The following MAPKAPK2 variants were observed in gnomAD, a reference collection of about 807,000 sequenced individuals.
MAPKAPK2 encodes MAPK activated protein kinase 2.
Under a neutral mutation model 48.8 loss-of-function variants are expected in MAPKAPK2, and 9 were observed. That is an observed-to-expected ratio of 0.18 (90% CI 0.11 to 0.32). The LOEUF is 0.32. Among genes scored for constraint, MAPKAPK2 ranks in the 10% least tolerant of loss-of-function variants. The pLI is 1.00. For synonymous variants in MAPKAPK2, 202 were observed against 190.6 expected (o/e 1.06, Z -0.49); for missense variants, 331 against 498.3 (o/e 0.66, Z 3.20).
chr1:206,716,558 C>T (rs1347959004), intron 1 of MAPKAPK2, among the ~76,000 whole-genome samples: 1 of 152,110 alleles, frequency 6.6e-6, no homozygotes, highest in Non-Finnish European at 1.5e-5. Context: ...GTCAACTCTC[C>T]TCCACCCCCT....
At chr1:206,723,083 G>A (rs543124575) in intron 1 of MAPKAPK2, among the ~76,000 whole-genome samples, 1 of 152,352 alleles carries the variant, frequency 6.6e-6, no homozygotes, top group Admixed American at 6.5e-5. Context: ...CTGAATCAGA[G>A]TCTGTCTTGG....
In MAPKAPK2 at chr1:206,732,419, G is replaced by A. The variant is rs797029407; in HGVS notation, c.1060-156G>A. On this transcript the variant is annotated intron_variant, in intron 9 of 9. Transcript: ENST00000367103. The surrounding 1 kb of genome is among the most constrained non-coding windows in gnomAD (Gnocchi z 4.4). ...CTGGGGTGAGGCTGCCGTTGTCAGC[G>A]TGGACCACTAACCAGCCCGTCTTCT... The A allele has an allele frequency of 4.4e-5, 65 of 1,466,106 alleles. No individual in the cohort carries two copies. The highest frequency in any genetic ancestry group is 3.5e-4 in the African/African-American group (25 of 70,478). 90.8% of individuals were successfully genotyped at this position (1,466,106 alleles called of 1,614,324 possible).
rs75470033 is a variant in MAPKAPK2, at chr1:206,729,911, G to A, written c.565-61G>A. On this transcript the variant is annotated intron_variant, in intron 4 of 9. Transcript: ENST00000367103. ...GAAGGGAGGAACCAGGATCCTTTTC[G>A]TTTCTGATAGCCCCTCCCAGGTCCA... is the stretch of plus-strand genomic sequence containing the variant. 14,992 of 1,607,368 alleles carry A rather than the reference G, an allele frequency of 9.3e-3. 84 individuals are homozygous for A. The highest frequency in any genetic ancestry group is 0.012 in the African/African-American group (883 of 74,744).
chr1:206,703,790 T>C (rs1171852718), intron 1 of MAPKAPK2, among the ~76,000 whole-genome samples: 1 of 152,182 alleles, frequency 6.6e-6, no homozygotes, highest in African/African-American at 2.4e-5. Context: ...CCCCAGCCCC[T>C]TGAGGTACCC....
At chr1:206,726,859 C>T (rs1199482048) in intron 1 of MAPKAPK2, among the ~76,000 whole-genome samples, 1 of 152,036 alleles carries the variant, frequency 6.6e-6, no homozygotes, top group African/African-American at 2.4e-5. Flanking sequence ...CTCATTTGTC[C>T]TTCCCTTCCC....
In MAPKAPK2 at chr1:206,704,920, G is replaced by A. The variant is rs1003870492; in HGVS notation, c.279+19412G>A. On this transcript the variant is annotated intron_variant, in intron 1 of 9. Transcript: ENST00000367103. The surrounding 1 kb of genome is among the most constrained non-coding windows in gnomAD (Gnocchi z 4.3). The stretch of plus-strand genomic sequence containing the variant: ...TTTCTCCAAGTGCAGCGCCAGTCCC[G>A]AGACACTCTGTGATCATCTAAACTG... Among the ~76,000 whole-genome samples, 3 of 152,276 alleles carry A rather than the reference G, an allele frequency of 2.0e-5. No individual in the cohort carries two copies. Among genetic ancestry groups the A allele is most frequent in the South Asian group, 2.1e-4 (1 of 4,820 alleles).
intron 1 of MAPKAPK2, among the ~76,000 whole-genome samples, chr1:206,718,655 C>G (rs1233115685): frequency 2.6e-5 from 4 of 152,090 alleles, no homozygotes; most frequent in African/African-American, 7.3e-5. Context: ...GGATGGGGAG[C>G]TGCCTCTTTC....
chr1:206,721,239 C>A (rs1673510307), intron 1 of MAPKAPK2, among the ~76,000 whole-genome samples: 1 of 152,158 alleles, frequency 6.6e-6, no homozygotes. Context: ...TCACCTTCCA[C>A]CATGATTGTA....
rs371759587 is a variant in MAPKAPK2 at position 206,691,482 on chromosome 1, G to GATACATATAT, written c.279+5977_279+5978insCATATATATA. ...AAAATACTGGTATTTTGTATTTTAA[G>GATACATATAT]ATATATATATATATATATATATACA... On this transcript the variant is annotated intron_variant, in intron 1 of 9. Transcript: ENST00000367103. Among the ~76,000 whole-genome samples the GATACATATAT allele has an allele frequency of 6.5e-5, 5 of 77,294 alleles. 1 individual carries two copies. The highest frequency in any genetic ancestry group is 1.1e-4 in the Non-Finnish European group (4 of 35,778). The allele number at this position is 77,294 out of a possible 152,430, so 50.7% of individuals were successfully genotyped here.
intron 1 of MAPKAPK2, among the ~76,000 whole-genome samples, chr1:206,703,017 C>T (rs1672848895): frequency 6.6e-6 from 1 of 152,212 alleles, no homozygotes; most frequent in African/African-American, 2.4e-5. Flanking sequence ...CCTGCCAGGC[C>T]CTCCCTGCTA....
intron 1 of MAPKAPK2, among the ~76,000 whole-genome samples, chr1:206,718,399 G>A (rs753353715): frequency 9.9e-5 from 15 of 152,106 alleles, no homozygotes; most frequent in African/African-American, 3.1e-4. Flanking sequence ...AGGCATGGTG[G>A]TGGGCGCCTG....
At chr1:206,693,411 C>T (rs1672515657) in intron 1 of MAPKAPK2, among the ~76,000 whole-genome samples, 1 of 152,158 alleles carries the variant, frequency 6.6e-6, no homozygotes, top group Non-Finnish European at 1.5e-5. Flanking sequence ...ACTCACTCTT[C>T]TGAGTGCTGG....
intron 1 of MAPKAPK2, among the ~76,000 whole-genome samples, chr1:206,698,042 T>C (rs1357994046): frequency 6.6e-6 from 1 of 152,266 alleles, no homozygotes; most frequent in Admixed American, 6.5e-5. Context: ...GGGAAACAAG[T>C]GGTCGGCCTG....
intron 1 of MAPKAPK2, among the ~76,000 whole-genome samples, chr1:206,694,304 C>T (rs1672549069): frequency 6.6e-6 from 1 of 152,272 alleles, no homozygotes; most frequent in Non-Finnish European, 1.5e-5. Flanking sequence ...GAACCCACTG[C>T]CTTCAGCTAG....
Position 206,685,186 on chromosome 1 carries a change from C to A in MAPKAPK2, c.-44C>A. 1 of 284,898 alleles carries A rather than the reference C, an allele frequency of 3.5e-6. No homozygotes were observed. Among genetic ancestry groups the A allele is most frequent in the Non-Finnish European group, 6.3e-6 (1 of 158,126 alleles). The allele number at this position is 284,898 out of a possible 1,614,324, so 17.6% of individuals were successfully genotyped here. On this transcript the variant is annotated 5_prime_UTR_variant, in exon 1 of 10. Transcript: ENST00000367103. ...GGGGGCCCGGAGCCGGAGGAGGGGG[C>A]GGCCGCGGGCACCCCCGCCTGTGCC... is the stretch of plus-strand genomic sequence containing the variant.
intron 1 of MAPKAPK2, among the ~76,000 whole-genome samples, chr1:206,708,256 G>A (rs1475010698): frequency 3.3e-5 from 5 of 152,126 alleles, no homozygotes; most frequent in African/African-American, 7.2e-5. Flanking sequence ...TTCCCCTTGC[G>A]CTTTCCTCCT....
At chr1:206,703,651 C>T (rs1672865206) in intron 1 of MAPKAPK2, among the ~76,000 whole-genome samples, 3 of 152,148 alleles carry the variant, frequency 2.0e-5, no homozygotes, top group South Asian at 4.1e-4. Flanking sequence ...TTGTATTCAG[C>T]GATAGAGACT....
intron 1 of MAPKAPK2, among the ~76,000 whole-genome samples, chr1:206,687,974 ATGCTCTCCTCTC>A: frequency 6.6e-6 from 1 of 152,284 alleles, no homozygotes; most frequent in African/African-American, 2.4e-5. Context: ...AGCTGCTTAG[ATGCTCTCCTCTC>A]TGCCTATAGT....
intron 1 of MAPKAPK2, among the ~76,000 whole-genome samples, chr1:206,692,226 A>C (rs1307113514): frequency 6.6e-6 from 1 of 152,150 alleles, no homozygotes; most frequent in Non-Finnish European, 1.5e-5. Flanking sequence ...GGTTCTTTCA[A>C]AGGAGTGCCT....
Sources: gnomAD v4.1 joint callset for allele counts (sites outside exome capture counted in the v4.1 genomes callset) on GRCh38, gnomAD v4.1.1 for gene constraint, Gnocchi (gnomAD v3.1) non-coding constraint, MANE v1.5 for transcripts, NCBI Gene and HGNC (gene_info 2026-07-23, HGNC 2026-07-21) for gene names.